The following ZNF503 variants were observed in gnomAD, a reference collection of about 807,000 sequenced individuals.
ZNF503 encodes the protein NocA-like zinc finger 2.
Under a neutral mutation model 34.4 loss-of-function variants are expected in ZNF503, and 15 were observed. The ratio of observed to expected loss-of-function variants is 0.44; its 90% CI spans 0.29 to 0.67. The LOEUF (loss-of-function observed/expected upper bound fraction) is 0.67. Ranked by LOEUF, ZNF503 falls within the 30% of genes least tolerant of loss-of-function variation. The pLI is 0.13. For synonymous variants in ZNF503, 580 were observed against 456.8 expected (o/e 1.27, Z -3.44); for missense variants, 1,007 against 926.8 (o/e 1.09, Z -1.12).
At chr10:75,370,527 T>C in the ZNF503 span, among the ~76,000 whole-genome samples, 11 of 152,132 alleles carry the variant, frequency 7.2e-5, no homozygotes, top group Admixed American at 7.2e-4. Flanking sequence ...ATGCCTGTAA[T>C]CCCAGCACTT....
chr10:75,385,599 C>T, the ZNF503 span, among the ~76,000 whole-genome samples: 672 of 152,312 alleles, frequency 4.4e-3, 6 homozygotes, highest in African/African-American at 0.015. Flanking sequence ...GGCTTCCTCA[C>T]AGCATGGTGA....
chr10:75,313,474 A>G, the ZNF503 span, among the ~76,000 whole-genome samples: 1 of 152,216 alleles, frequency 6.6e-6, no homozygotes, highest in Non-Finnish European at 1.5e-5. Context: ...TCCCACAGCC[A>G]TGTAGGATGC....
chr10:75,284,538 C>T, the ZNF503 span, among the ~76,000 whole-genome samples: 1 of 152,160 alleles, frequency 6.6e-6, no homozygotes, highest in East Asian at 1.9e-4. Flanking sequence ...AACCTTCTAT[C>T]ATCATTCCTG....
chr10:75,395,351 G>C (rs1435701312), downstream of ZNF503, among the ~76,000 whole-genome samples: 1 of 152,214 alleles, frequency 6.6e-6, no homozygotes, highest in African/African-American at 2.4e-5. This position sits in a 1 kb window ranked among gnomAD's most constrained non-coding sequence, Gnocchi z 4.4. Flanking sequence ...AGGAGTCACA[G>C]GGAGGGGCCT....
At chr10:75,334,245 C>T in the ZNF503 span, among the ~76,000 whole-genome samples, 4 of 152,146 alleles carry the variant, frequency 2.6e-5, no homozygotes, top group Admixed American at 6.5e-5. Context: ...CGCTGCCTCC[C>T]GGGCGGCCTA....
chr10:75,309,990 T>C, the ZNF503 span, among the ~76,000 whole-genome samples: 1 of 152,226 alleles, frequency 6.6e-6, no homozygotes, highest in Non-Finnish European at 1.5e-5. Flanking sequence ...AAAGGACACA[T>C]TCCATATGAT....
chr10:75,396,023 G>A (rs1161483345), downstream of ZNF503, among the ~76,000 whole-genome samples: 2 of 152,292 alleles, frequency 1.3e-5, no homozygotes, highest in Non-Finnish European at 2.9e-5. The surrounding 1 kb of genome is among the most constrained non-coding windows in gnomAD (Gnocchi z 4.4). Flanking sequence ...GCAGTGGCCA[G>A]GAGCGCGTGG....
chr10:75,340,795 G>A, the ZNF503 span, among the ~76,000 whole-genome samples: 2 of 152,192 alleles, frequency 1.3e-5, 1 homozygote, highest in East Asian at 3.9e-4. Context: ...TAGAGATGTG[G>A]TTTCACCATG....
chr10:75,379,111 A>G, the ZNF503 span, among the ~76,000 whole-genome samples: 5 of 152,174 alleles, frequency 3.3e-5, no homozygotes, highest in African/African-American at 1.2e-4. Context: ...GGAAAGAAAT[A>G]TGGGCGGGTG....
At chr10:75,370,502 C>T in the ZNF503 span, among the ~76,000 whole-genome samples, 9 of 152,130 alleles carry the variant, frequency 5.9e-5, no homozygotes, top group East Asian at 1.9e-4. Context: ...AATTCCCAGC[C>T]GGGCATGGTG....
At chr10:75,337,345 T>G in the ZNF503 span, among the ~76,000 whole-genome samples, 1 of 146,332 alleles carries the variant, frequency 6.8e-6, no homozygotes, top group Non-Finnish European at 1.5e-5. Context: ...AAATTCTCGG[T>G]GGGGCACGGT....
chr10:75,304,530 C>A, the ZNF503 span, among the ~76,000 whole-genome samples: 1 of 152,162 alleles, frequency 6.6e-6, no homozygotes, highest in South Asian at 2.1e-4. Context: ...TTACTACTCT[C>A]AATATGTCCA....
chr10:75,366,860 C>T, the ZNF503 span, among the ~76,000 whole-genome samples: 20 of 152,328 alleles, frequency 1.3e-4, no homozygotes, highest in Non-Finnish European at 2.6e-4. Context: ...GGTTCTACAA[C>T]GTCTCCCAGA....
chr10:75,390,624 T>C, the ZNF503 span, among the ~76,000 whole-genome samples: 1 of 152,174 alleles, frequency 6.6e-6, no homozygotes, highest in Non-Finnish European at 1.5e-5. Context: ...AATTTGTGTT[T>C]AAAAGGCAGA....
At chr10:75,308,743 G>A in the ZNF503 span, among the ~76,000 whole-genome samples, 1 of 152,232 alleles carries the variant, frequency 6.6e-6, no homozygotes, top group South Asian at 2.1e-4. Context: ...GGTAGAAATA[G>A]CAAGAGAACT....
At chr10:75,389,632 A>G in the ZNF503 span, among the ~76,000 whole-genome samples, 83 of 152,280 alleles carry the variant, frequency 5.5e-4, no homozygotes, top group African/African-American at 1.9e-3. Context: ...CAGGAGGCTG[A>G]GGCAGGAGAA....
chr10:75,309,736 C>T, the ZNF503 span, among the ~76,000 whole-genome samples: 11 of 152,214 alleles, frequency 7.2e-5, no homozygotes, highest in East Asian at 1.9e-4. Context: ...GAACTGAACT[C>T]GCATTATCTC....
chr10:75,317,426 C>T, the ZNF503 span, among the ~76,000 whole-genome samples: 268 of 151,216 alleles, frequency 1.8e-3, no homozygotes, highest in Non-Finnish European at 3.1e-3. Flanking sequence ...TACAGGTGCC[C>T]GCCACCACAC....
At chr10:75,351,684 A>G in the ZNF503 span, among the ~76,000 whole-genome samples, 7 of 151,820 alleles carry the variant, frequency 4.6e-5, no homozygotes. Flanking sequence ...AGGAGAGTCA[A>G]CTCCTCCATT....
Sources: allele counts gnomAD v4.1 joint callset (sites outside exome capture counted in the v4.1 genomes callset), GRCh38; gene constraint gnomAD v4.1.1; non-coding constraint Gnocchi (gnomAD v3.1); transcripts MANE v1.5; gene names NCBI Gene and HGNC (gene_info 2026-07-23, HGNC 2026-07-21).